Variants in GDPD3 observed in about 807,000 individuals in gnomAD.
GDPD3 encodes the protein lysophospholipase D GDPD3.
In GDPD3, 40 loss-of-function variants were observed where a neutral mutation model predicts 43.7. That is an observed-to-expected ratio of 0.91 (90% CI 0.71 to 1.19). The LOEUF is 1.19. GDPD3 is among the 50% of genes most tolerant of loss of function. The probability of loss-of-function intolerance (pLI) is 0.00; values close to 1 mark genes in which losing one functional copy is unlikely to be tolerated. For synonymous variants in GDPD3, 145 were observed against 162.9 expected (o/e 0.89, Z 0.84); for missense variants, 363 against 415.8 (o/e 0.87, Z 1.11).
intron 7 of GDPD3, among the ~76,000 whole-genome samples, chr16:30,108,816 CTTA>C (rs2072878560): frequency 6.6e-6 from 1 of 151,870 alleles, no homozygotes; most frequent in South Asian, 2.1e-4. Flanking sequence ...ATCTATTTAT[CTTA>C]TTATTAATTT....
intron 9 of GDPD3, among the ~76,000 whole-genome samples, chr16:30,105,648 A>T (rs923333506): frequency 2.7e-5 from 4 of 150,310 alleles, no homozygotes; most frequent in Non-Finnish European, 5.9e-5. Context: ...GGGACTACAG[A>T]TGTCCGCCAC....
intron 9 of GDPD3, chr16:30,107,986 GACACACACACACAC>G (rs113091799): frequency 1.5e-5 from 4 of 269,190 alleles, no homozygotes; most frequent in South Asian, 9.1e-5. Context: ...TGAGACTCTT[GACACACACACACAC>G]ACACACACAC....
In GDPD3 at chr16:30,112,966, A is replaced by G; in HGVS notation, c.182+56T>C. The G allele has an allele frequency of 1.3e-6, 2 of 1,562,538 alleles. No homozygotes were observed. The highest frequency in any genetic ancestry group is 1.8e-6 in the Non-Finnish European group (2 of 1,135,026). Reference sequence around the variant, plus strand: ...TGAATGGCGTCCCTTGCTGTGATGCAGTCCACGACCTGCACACCCTCACAT... The same window carrying G: ...TGAATGGCGTCCCTTGCTGTGATGCGGTCCACGACCTGCACACCCTCACAT... On this transcript the variant is annotated intron_variant, in intron 2 of 9. Transcript: ENST00000406256. This position sits in a 1 kb window ranked among gnomAD's most constrained non-coding sequence, Gnocchi z 5.4.
chr16:30,107,917 G>T (rs1457556191), intron 9 of GDPD3: 1 of 198,438 alleles, frequency 5.0e-6, no homozygotes, highest in South Asian at 1.2e-4. Flanking sequence ...TTGAACCCGG[G>T]AGGTGGAGGT....
chr16:30,110,250 G>A (rs1471893149), intron 7 of GDPD3, among the ~76,000 whole-genome samples: 1 of 151,734 alleles, frequency 6.6e-6, no homozygotes, highest in Non-Finnish European at 1.5e-5. Flanking sequence ...CTAATACGGT[G>A]AAACCCCATC....
At chr16:30,108,570 TG>T in intron 7 of GDPD3, 138 bp from the exon 8 acceptor site, 2 of 742,380 alleles carry the variant, frequency 2.7e-6, no homozygotes, top group Non-Finnish European at 4.7e-6. Context: ...CCTTTGTAGT[TG>T]CCCCAGTGAA....
In GDPD3 at chr16:30,112,219, T is replaced by C. The variant is rs1447167343; in HGVS notation, c.486A>G (p.Ile162Met). ...GGTCATAGCGTCTCACCAAGCCTGC[T>C]ATCTGGGAGGAGGAGAAGGAGGTGA... ...KGKNEELIRE[I>M]AGLVRRYDRN... The change falls in exon 6 of 10, where the codon ATA (isoleucine) becomes ATG (methionine). Residue 162 changes from isoleucine (I) to methionine (M), a missense_variant and splice_region_variant. Physicochemically the swap from Ile to Met is conservative, Grantham distance 10. Coordinates refer to ENST00000406256, the MANE Select transcript of GDPD3 (RefSeq NM_024307.3). This position sits in a 1 kb window ranked among gnomAD's most constrained non-coding sequence, Gnocchi z 5.4. 1 of 1,613,886 alleles carries C rather than the reference T, an allele frequency of 6.2e-7. No homozygotes were observed. The highest frequency in any genetic ancestry group is 1.7e-5 in the Admixed American group (1 of 60,018).
chr16:30,106,257 C>A (rs1206205927), intron 9 of GDPD3, among the ~76,000 whole-genome samples: 1 of 152,210 alleles, frequency 6.6e-6, no homozygotes, highest in African/African-American at 2.4e-5. Context: ...GGAAATACTA[C>A]ATGATGGGGT....
At position 30,112,096 on chromosome 16, in the gene GDPD3, G is replaced by T; in HGVS notation, c.573+36C>A. On this transcript the variant is annotated intron_variant, in intron 6 of 9. Coordinates refer to ENST00000406256, the MANE Select transcript of GDPD3 (RefSeq NM_024307.3). This position sits in a 1 kb window ranked among gnomAD's most constrained non-coding sequence, Gnocchi z 5.4. ...GCTCTGGGGAGGAGGGGCCCCTGGA[G>T]GAGGAAGAGGACGGGGGAGGGGTGG... The T allele has an allele frequency of 1.3e-6, 2 of 1,557,588 alleles. No homozygotes were observed. The highest frequency in any genetic ancestry group is 8.8e-7 in the Non-Finnish European group (1 of 1,130,096).
rs2072914854 is a variant in GDPD3 at position 30,112,878 on chromosome 16, A to G, written c.183-85T>C. 2 of 1,547,546 alleles carry G rather than the reference A, an allele frequency of 1.3e-6. No homozygotes were observed. Reference sequence around the variant, plus strand: ...GCTGGGAGGTGGCCGGGAATGTGAGAGCGGAGTTCGTGGCGGGATGTGCAG... The same window carrying G: ...GCTGGGAGGTGGCCGGGAATGTGAGGGCGGAGTTCGTGGCGGGATGTGCAG... On this transcript the variant is annotated intron_variant, in intron 2 of 9. Transcript: ENST00000406256. The surrounding 1 kb of genome is among the most constrained non-coding windows in gnomAD (Gnocchi z 5.4).
At position 30,113,432 on chromosome 16, in the gene GDPD3, G is replaced by A. The variant is rs376366679; in HGVS notation, c.47C>T (p.Ala16Val). The A allele has an allele frequency of 1.2e-6, 2 of 1,610,844 alleles. No individual in the cohort carries two copies. The highest frequency in any genetic ancestry group is 2.7e-5 in the African/African-American group (2 of 74,836). Residue 16 changes from alanine (A) to valine (V), a missense_variant, in exon 1 of 10, where the codon GCC becomes GTC. Coordinates refer to ENST00000406256, the MANE Select transcript of GDPD3 (RefSeq NM_024307.3). The surrounding 1 kb of genome is among the most constrained non-coding windows in gnomAD (Gnocchi z 5.9). The part of the protein sequence containing the change: ...YYALPALGSY[A>V]MLSIFFLRRP... ...GCGCAGGAAGAAGATGGAGAGCATG[G>A]CATAGCTGCCCAGGGCAGGGAGGGC...
chr16:30,112,314 T>G lies in GDPD3; in HGVS notation c.475A>C (p.Ile159Leu). 6.2e-7 allele frequency: 1 copy of G among 1,614,132 alleles called. No homozygotes were observed. Among genetic ancestry groups the G allele is most frequent in the Non-Finnish European group, 8.5e-7 (1 of 1,179,942 alleles). ...VEIKGKNEEL[I>L]REIAGLVRRY... ...CCTGCCTGCAGCACCACCTCACGGA[T>G]GAGCTCTTCGTTCTTCCCTTTGATC... Residue 159 changes from isoleucine (I) to leucine (L), a missense_variant, in exon 5 of 10, where the codon ATC becomes CTC. Physicochemically the swap from Ile to Leu is conservative, Grantham distance 5 (BLOSUM62 2). Coordinates refer to ENST00000406256, the MANE Select transcript of GDPD3 (RefSeq NM_024307.3). This position sits in a 1 kb window ranked among gnomAD's most constrained non-coding sequence, Gnocchi z 5.4.
intron 7 of GDPD3, among the ~76,000 whole-genome samples, chr16:30,109,531 G>T (rs2072885294): frequency 6.6e-6 from 1 of 151,386 alleles, no homozygotes; most frequent in Non-Finnish European, 1.5e-5. Context: ...CAATGGCCGG[G>T]CGCGGTGGTT....
In GDPD3 at chr16:30,112,179, T is replaced by C. The variant is rs376457527; in HGVS notation, c.526A>G (p.Ile176Val). The change falls in exon 6 of 10, where the codon ATC becomes GTC. Residue 176 changes from isoleucine to valine, a missense_variant. Ile to Val is a conservative substitution (Grantham distance 29). Coordinates refer to ENST00000406256, the MANE Select transcript of GDPD3 (RefSeq NM_024307.3). This position sits in a 1 kb window ranked among gnomAD's most constrained non-coding sequence, Gnocchi z 5.4. Reference protein sequence around the residue: ...VRRYDRNEITIWASEKSSVMK... With the variant: ...VRRYDRNEITVWASEKSSVMK... Reference sequence around the variant, plus strand: ...ACCGAGCTCTTCTCCGAGGCCCAGATGGTGATTTCATTACGGTCATAGCGT... The same window carrying C: ...ACCGAGCTCTTCTCCGAGGCCCAGACGGTGATTTCATTACGGTCATAGCGT... The C allele has an allele frequency of 4.1e-5, 66 of 1,613,964 alleles. No homozygotes were observed. Among genetic ancestry groups the C allele is most frequent in the Non-Finnish European group, 5.5e-5 (65 of 1,180,010 alleles).
intron 7 of GDPD3, 136 bp from the exon 8 acceptor site, chr16:30,108,568 G>A: frequency 1.3e-6 from 1 of 748,254 alleles, no homozygotes; most frequent in Non-Finnish European, 2.3e-6. Context: ...AACCTTTGTA[G>A]TTGCCCCAGT....
chr16:30,109,006 A>G (rs914806146), intron 7 of GDPD3, among the ~76,000 whole-genome samples: 6 of 151,508 alleles, frequency 4.0e-5, no homozygotes, highest in East Asian at 2.0e-4. Context: ...AATTTTTTGT[A>G]TTTTTAGTAG....
chr16:30,112,447 G>T lies in GDPD3; in HGVS notation c.365-23C>A, dbSNP rs1193489265. ...GGCCTGGGGGTGGTGTGGGAAAAGG[G>T]GTCAGAGGGAAGCCAAGGCGGAGGT... is the stretch of plus-strand genomic sequence containing the variant. On this transcript the variant is annotated intron_variant, in intron 4 of 9. Coordinates refer to ENST00000406256, the MANE Select transcript of GDPD3 (RefSeq NM_024307.3). The surrounding 1 kb of genome is among the most constrained non-coding windows in gnomAD (Gnocchi z 5.4). 1.9e-6 allele frequency: 3 copies of T among 1,613,938 alleles called. No individual in the cohort carries two copies. The highest frequency in any genetic ancestry group is 2.2e-5 in the South Asian group (2 of 91,082).
At chr16:30,105,991 AT>A (rs1480110549) in intron 9 of GDPD3, among the ~76,000 whole-genome samples, 1 of 151,780 alleles carries the variant, frequency 6.6e-6, no homozygotes. Context: ...GGCGACTGTA[AT>A]CCCAGCTACT....
chr16:30,112,133 G>A lies in GDPD3; in HGVS notation c.572C>T (p.Ala191Val). 1.2e-6 allele frequency: 2 copies of A among 1,612,686 alleles called. No individual in the cohort carries two copies. The highest frequency in any genetic ancestry group is 1.7e-6 in the Non-Finnish European group (2 of 1,179,028). Residue 191 changes from alanine (A) to valine (V), a missense_variant and splice_region_variant, in exon 6 of 10, where the codon GCC (alanine) becomes GTC (valine). Transcript: ENST00000406256. The surrounding 1 kb of genome is among the most constrained non-coding windows in gnomAD (Gnocchi z 5.4). ...CGGGGGAGGGGTGGGGGGACTCACG[G>A]CAGCCTTGCATTTCTTCATGACCGA... ...KSSVMKKCKAANPEMPLSFTI... is the reference protein window; with the variant it reads ...KSSVMKKCKAVNPEMPLSFTI...
Sources: gnomAD v4.1 joint callset for allele counts (sites outside exome capture counted in the v4.1 genomes callset) on GRCh38, gnomAD v4.1.1 for gene constraint, Gnocchi (gnomAD v3.1) non-coding constraint, MANE v1.5 for transcripts, NCBI Gene and HGNC (gene_info 2026-07-23, HGNC 2026-07-21) for gene names.